Variants in LRP1B observed in about 807,000 individuals in gnomAD.
LRP1B encodes the protein low-density lipoprotein receptor-related protein 1B.
A neutral mutation model predicts 556.6 loss-of-function variants in LRP1B; 217 were observed. The ratio of observed to expected loss-of-function variants is 0.39; its 90% CI spans 0.35 to 0.44. The LOEUF is 0.44. Among genes scored for constraint, LRP1B ranks in the 20% least tolerant of loss-of-function variants. LRP1B has a pLI of 1.00. For synonymous variants in LRP1B, 2,047 were observed against 1,865.8 expected (o/e 1.10, Z -2.50); for missense variants, 5,053 against 5,620.8 (o/e 0.90, Z 3.23).
chr2:140,706,304 A>G (rs985315767), intron 37 of LRP1B, among the ~76,000 whole-genome samples: 1 of 152,148 alleles, frequency 6.6e-6, no homozygotes, highest in African/African-American at 2.4e-5. Context: ...AGCCAAGAAA[A>G]ACTGATTTTA....
intron 1 of LRP1B, among the ~76,000 whole-genome samples, chr2:141,885,352 C>T (rs575287401): frequency 1.7e-4 from 26 of 152,138 alleles, no homozygotes; most frequent in African/African-American, 5.8e-4. Flanking sequence ...GAGTCTATTG[C>T]TGAAATTAAG....
chr2:141,332,925 G>A (rs1687710747), intron 3 of LRP1B, among the ~76,000 whole-genome samples: 1 of 151,752 alleles, frequency 6.6e-6, no homozygotes. Flanking sequence ...TCATTAGAAG[G>A]CAAATCACCT....
intron 31 of LRP1B, among the ~76,000 whole-genome samples, chr2:140,824,258 TA>T (rs969764062): frequency 6.6e-6 from 1 of 152,036 alleles, no homozygotes; most frequent in Non-Finnish European, 1.5e-5. Flanking sequence ...CTCTTTTTTT[TA>T]AAAAAGTTAC....
intron 1 of LRP1B, among the ~76,000 whole-genome samples, chr2:141,995,218 T>A (rs928407742): frequency 2.6e-5 from 4 of 152,210 alleles, no homozygotes; most frequent in Non-Finnish European, 5.9e-5. Context: ...CAAGTCTCGG[T>A]TGGCCAAAAA....
intron 55 of LRP1B, among the ~76,000 whole-genome samples, chr2:140,499,425 C>CACACACACACACATAT (rs1300457439): frequency 6.6e-6 from 1 of 151,404 alleles, no homozygotes; most frequent in Non-Finnish European, 1.5e-5. Context: ...ATAGAACAAA[C>CACACACACACACATAT]ACACACACAC....
intron 1 of LRP1B, among the ~76,000 whole-genome samples, chr2:141,953,028 A>G (rs1419665943): frequency 6.6e-6 from 1 of 152,034 alleles, no homozygotes; most frequent in Non-Finnish European, 1.5e-5. Flanking sequence ...AAAGAAATTC[A>G]TTTTTTTAAT....
intron 2 of LRP1B, among the ~76,000 whole-genome samples, chr2:141,519,586 T>A (rs756864166): frequency 3.3e-5 from 5 of 151,880 alleles, no homozygotes; most frequent in Non-Finnish European, 5.9e-5. Context: ...TTCACTCTTA[T>A]TGACTTGAGA....
chr2:140,715,110 T>C (rs1266055707), intron 37 of LRP1B, among the ~76,000 whole-genome samples: 4 of 152,114 alleles, frequency 2.6e-5, no homozygotes, highest in South Asian at 4.2e-4. Context: ...CAGAGATTGA[T>C]TGTGAAAGGA....
chr2:140,417,607 A>T (rs1346146010), intron 66 of LRP1B, among the ~76,000 whole-genome samples: 1 of 152,176 alleles, frequency 6.6e-6, no homozygotes, highest in African/African-American at 2.4e-5. Flanking sequence ...GTCTTTGAAT[A>T]ATTACATATC....
At chr2:140,586,837 C>T (rs1682005380) in intron 43 of LRP1B, among the ~76,000 whole-genome samples, 1 of 151,654 alleles carries the variant, frequency 6.6e-6, no homozygotes, top group African/African-American at 2.4e-5. Context: ...CTCATCATAC[C>T]GAGAACTAGG....
chr2:141,753,467 C>T (rs906657420), intron 2 of LRP1B, among the ~76,000 whole-genome samples: 17 of 151,576 alleles, frequency 1.1e-4, no homozygotes, highest in Admixed American at 3.9e-4. Flanking sequence ...TGTCCACTCC[C>T]GAGGGTGTGC....
chr2:141,458,478 A>G (rs925988440), intron 3 of LRP1B, among the ~76,000 whole-genome samples: 1 of 152,188 alleles, frequency 6.6e-6, no homozygotes, highest in Non-Finnish European at 1.5e-5. Flanking sequence ...TGGAGAAACT[A>G]ATCTAAATTG....
At chr2:141,296,398 A>G (rs1276096431) in intron 3 of LRP1B, among the ~76,000 whole-genome samples, 2 of 152,202 alleles carry the variant, frequency 1.3e-5, no homozygotes, top group African/African-American at 4.8e-5. Flanking sequence ...AGACAAATTA[A>G]ATTATGTACA....
intron 18 of LRP1B, among the ~76,000 whole-genome samples, chr2:140,969,238 A>G (rs983458042): frequency 4.6e-5 from 7 of 152,144 alleles, no homozygotes; most frequent in African/African-American, 1.4e-4. Context: ...TATATATTTA[A>G]GATAGTTAGC....
intron 60 of LRP1B, among the ~76,000 whole-genome samples, chr2:140,466,846 C>T (rs1006407612): frequency 6.6e-6 from 1 of 152,150 alleles, no homozygotes; most frequent in African/African-American, 2.4e-5. Flanking sequence ...ACAGTATTTT[C>T]AGCCTTTTCT....
At chr2:142,066,083 T>A (rs1459933751) in intron 1 of LRP1B, among the ~76,000 whole-genome samples, 1 of 151,504 alleles carries the variant, frequency 6.6e-6, no homozygotes, top group East Asian at 1.9e-4. Flanking sequence ...TCCTATGCAA[T>A]TTCTAAATCT....
intron 35 of LRP1B, among the ~76,000 whole-genome samples, chr2:140,735,894 GA>G (rs1197587170): frequency 1.3e-5 from 2 of 152,006 alleles, no homozygotes; most frequent in African/African-American, 2.4e-5. Flanking sequence ...AAGGACCAGG[GA>G]AAAAAACCCT....
intron 82 of LRP1B, 62 bp from the exon 83 acceptor site, chr2:140,315,161 T>C (rs1388901215): frequency 1.8e-6 from 2 of 1,125,386 alleles, no homozygotes; most frequent in Non-Finnish European, 2.5e-6. Flanking sequence ...ATAAAATAAT[T>C]CAAATAGATA....
intron 27 of LRP1B, among the ~76,000 whole-genome samples, chr2:140,856,738 T>TACACACAC (rs57220779): frequency 0.013 from 1,998 of 148,394 alleles, 17 homozygotes; most frequent in Non-Finnish European, 0.015. Flanking sequence ...CTAAGAGAGA[T>TACACACAC]ACACACACAC....
Sources: allele counts gnomAD v4.1 joint callset (sites outside exome capture counted in the v4.1 genomes callset), GRCh38; gene constraint gnomAD v4.1.1; transcripts MANE v1.5; gene names NCBI Gene and HGNC (gene_info 2026-07-23, HGNC 2026-07-21).